The following IL1RL1 variants were observed in gnomAD, a reference collection of about 807,000 sequenced individuals.
IL1RL1 encodes interleukin 1 receptor like 1.
A neutral mutation model predicts 50.9 loss-of-function variants in IL1RL1; 32 were observed. The observed-to-expected ratio is 0.63, with a 90% CI of 0.47 to 0.84. The LOEUF is 0.84. IL1RL1 is among the 40% of genes least tolerant of loss of function. The pLI is 0.00. For synonymous variants in IL1RL1, 275 were observed against 236.0 expected, an observed-to-expected ratio of 1.17 and a Z score of -1.51; for missense variants, 773 against 662.9, an observed-to-expected ratio of 1.17 and a Z score of -1.82.
chr2:102,351,547 G>A lies in IL1RL1; in HGVS notation c.1297G>A (p.Ala433Thr), dbSNP rs4988956. 0.38 allele frequency: 606,471 copies of A among 1,611,902 alleles called. 122,726 individuals carry two copies. The highest frequency in any genetic ancestry group is 0.71 in the African/African-American group (52,953 of 74,886). ...DMLPGEDVVT[A>T]VETNIRKSRR... ...TCTTGTATGACTAGATGTAGTCACT[G>A]CAGTGGAAACCAACATACGAAAGAG... The change falls in exon 11 of 11, where the codon GCA becomes ACA. Residue 433 changes from alanine (A) to threonine (T), a missense_variant. By Grantham distance (58) the Ala-to-Thr change is moderately conservative. Transcript: ENST00000233954.
chr2:102,324,360 T>A (rs1423134931), intron 1 of IL1RL1, among the ~76,000 whole-genome samples: 3 of 152,120 alleles, frequency 2.0e-5, no homozygotes, highest in African/African-American at 7.2e-5. Context: ...TGAAATAGAA[T>A]CTCGATATTG....
intron 5 of IL1RL1, chr2:102,341,168 C>CTTTT (rs112164401): frequency 2.3e-5 from 22 of 939,708 alleles, no homozygotes; most frequent in East Asian, 1.1e-4. Context: ...GCAAAACCAG[C>CTTTT]TTTTTTTTTT....
chr2:102,339,756 G>C (rs1315282510), intron 3 of IL1RL1, among the ~76,000 whole-genome samples: 1 of 152,192 alleles, frequency 6.6e-6, no homozygotes, highest in East Asian at 1.9e-4. Context: ...CTAAGGTAAT[G>C]TGTGAAAAGT....
intron 1 of IL1RL1, among the ~76,000 whole-genome samples, chr2:102,316,397 A>C (rs776882093): frequency 6.6e-6 from 1 of 152,138 alleles, no homozygotes; most frequent in Non-Finnish European, 1.5e-5. Context: ...GGGCATAGAT[A>C]TTCTCTTGGT....
At chr2:102,323,944 C>T (rs113618904) in intron 1 of IL1RL1, among the ~76,000 whole-genome samples, 15 of 151,694 alleles carry the variant, frequency 9.9e-5, no homozygotes, top group South Asian at 8.3e-4. Context: ...ATAAATGGGA[C>T]GATATAATAT....
intron 10 of IL1RL1, among the ~76,000 whole-genome samples, chr2:102,349,843 A>G (rs997991252): frequency 4.6e-5 from 7 of 152,170 alleles, no homozygotes. Flanking sequence ...ATTTATGTCC[A>G]GTACCTGTGG....
chr2:102,339,061 G>C lies in IL1RL1; in HGVS notation c.272+14G>C. The C allele has an allele frequency of 6.3e-7, 1 of 1,581,648 alleles. No homozygotes were observed. The highest frequency in any genetic ancestry group is 1.7e-4 in the Middle Eastern group (1 of 5,992). On this transcript the variant is annotated intron_variant, in intron 3 of 10. Transcript: ENST00000233954. The stretch of plus-strand genomic sequence containing the variant: ...TATTGTCAGAAGGTATTATGCAGAA[G>C]GCTCCCATCTTCTTTCACCCTGCTC...
At chr2:102,346,488 G>A (rs761690977) in intron 8 of IL1RL1, among the ~76,000 whole-genome samples, 1 of 152,044 alleles carries the variant, frequency 6.6e-6, no homozygotes, top group African/African-American at 2.4e-5. Context: ...TCACACTTAC[G>A]AAGACTTCCT....
chr2:102,318,340 A>G (rs1676739548), intron 1 of IL1RL1, among the ~76,000 whole-genome samples: 1 of 151,790 alleles, frequency 6.6e-6, no homozygotes, highest in South Asian at 2.1e-4. Context: ...CTTGAGATTG[A>G]TGTGCTGGAG....
chr2:102,311,700 A>G (rs1288371368), intron 1 of IL1RL1, 77 bp downstream of exon 1: 1 of 139,308 alleles, frequency 7.2e-6, no homozygotes, highest in Non-Finnish European at 1.5e-5. Context: ...AATTTAGGTC[A>G]TTATAACAAT....
At chr2:102,336,607 T>C (rs12712141) in intron 1 of IL1RL1, among the ~76,000 whole-genome samples, 72,731 of 151,886 alleles carry the variant, frequency 0.48, 17,647 homozygotes, top group Middle Eastern at 0.64. Context: ...GTTATGGTTT[T>C]CTTTGTCACT....
chr2:102,349,362 AC>A, intron 10 of IL1RL1, 116 bp downstream of exon 10: 1 of 754,268 alleles, frequency 1.3e-6, no homozygotes, highest in Non-Finnish European at 2.2e-6. Context: ...AGGCCTTAAG[AC>A]CAGAACTTTA....
In IL1RL1 at chr2:102,323,706, C is replaced by A. The variant is rs914856153; in HGVS notation, c.-150+12083C>A. 1.4e-4 allele frequency among the ~76,000 whole-genome samples: 22 copies of A among 152,070 alleles called. 1 individual carries two copies. The highest frequency in any genetic ancestry group is 2.7e-4 in the African/African-American group (11 of 41,406). On this transcript the variant is annotated intron_variant, in intron 1 of 10. Transcript: ENST00000233954. Reference sequence around the variant, plus strand: ...GGGAATTAATCTATTCATGAGGGATCCACCCCCATGACCCAAATGCTCCCC... The same window carrying A: ...GGGAATTAATCTATTCATGAGGGATACACCCCCATGACCCAAATGCTCCCC...
intron 1 of IL1RL1, chr2:102,312,941 G>C (rs1676561099): frequency 6.6e-6 from 1 of 151,934 alleles, no homozygotes; most frequent in Non-Finnish European, 1.5e-5. Context: ...TTTCTGTCTG[G>C]CTATAACAGT....
In IL1RL1 at chr2:102,340,842, A is replaced by G; in HGVS notation, c.610+14A>G. ...TCACGGTCAAGGGTAAGCTACTGAC[A>G]TTAATGAGATAGAATACTACGTGAA... On this transcript the variant is annotated intron_variant, in intron 5 of 10. Transcript: ENST00000233954. 2 of 1,552,254 alleles carry G rather than the reference A, an allele frequency of 1.3e-6. No individual in the cohort carries two copies. The highest frequency in any genetic ancestry group is 1.7e-6 in the Non-Finnish European group (2 of 1,157,686).
intron 1 of IL1RL1, among the ~76,000 whole-genome samples, chr2:102,321,880 C>T (rs1360526848): frequency 3.3e-5 from 5 of 152,120 alleles, no homozygotes; most frequent in African/African-American, 4.8e-5. Flanking sequence ...TTGTGCGGTT[C>T]GCTATAGTTA....
intron 1 of IL1RL1, among the ~76,000 whole-genome samples, chr2:102,336,962 G>A (rs988666033): frequency 3.3e-5 from 5 of 152,122 alleles, no homozygotes; most frequent in South Asian, 2.1e-4. Flanking sequence ...CCAGGTCCCC[G>A]ATGTCAAGAC....
intron 1 of IL1RL1, among the ~76,000 whole-genome samples, chr2:102,336,002 A>G (rs1472495545): frequency 5.3e-5 from 8 of 152,202 alleles, no homozygotes; most frequent in African/African-American, 1.7e-4. Context: ...AGGACTGTGT[A>G]TCTCTTCCTC....
intron 1 of IL1RL1, chr2:102,312,967 T>C (rs1033884383): frequency 6.6e-6 from 1 of 152,144 alleles, no homozygotes; most frequent in Admixed American, 6.5e-5. Flanking sequence ...TACTAGATCC[T>C]GAGGCCAAAC....
Sources: gnomAD v4.1 joint callset for allele counts (sites outside exome capture counted in the v4.1 genomes callset) on GRCh38, gnomAD v4.1.1 for gene constraint, MANE v1.5 for transcripts, NCBI Gene and HGNC (gene_info 2026-07-23, HGNC 2026-07-21) for gene names.